The following ZDHHC11B variants were observed in gnomAD, a reference collection of about 807,000 sequenced individuals.
The protein encoded by ZDHHC11B is zDHHC palmitoyltransferase 11B (putative).
In ZDHHC11B, 17 loss-of-function variants were observed where a neutral mutation model predicts 42.3. The ratio of observed to expected loss-of-function variants is 0.40; its 90% CI spans 0.27 to 0.60. The LOEUF is 0.60. Among genes scored for constraint, ZDHHC11B ranks in the 20% least tolerant of loss-of-function variants. The pLI, the probability that ZDHHC11B is intolerant of heterozygous loss-of-function variation, is 0.41. For missense variants in ZDHHC11B, 262 were observed against 463.2 expected, an observed-to-expected ratio of 0.57 and a Z score of 3.99; for synonymous variants, 123 against 193.5, an observed-to-expected ratio of 0.64 and a Z score of 3.02.
intron 11 of ZDHHC11B, among the ~76,000 whole-genome samples, chr5:730,795 G>A (rs1391257061): frequency 6.6e-6 from 1 of 151,720 alleles, no homozygotes; most frequent in African/African-American, 2.4e-5. Context: ...CTAATCCAGA[G>A]TGACTGGTGT....
intron 5 of ZDHHC11B, among the ~76,000 whole-genome samples, 151 bp from the exon 6 acceptor site, chr5:755,250 G>T (rs1301596798): frequency 2.2e-5 from 3 of 135,306 alleles, no homozygotes; most frequent in Admixed American, 7.7e-5. Flanking sequence ...GGAGGCTGGG[G>T]GAGGGTGTTG....
In ZDHHC11B at chr5:745,731, C is replaced by T. The variant is rs1040539027; in HGVS notation, c.785-433G>A. Among the ~76,000 whole-genome samples, 3 of 150,062 alleles carry T rather than the reference C, an allele frequency of 2.0e-5. 1 individual carries two copies. Among genetic ancestry groups the T allele is most frequent in the African/African-American group, 7.3e-5 (3 of 40,854 alleles). On this transcript the variant is annotated intron_variant, in intron 8 of 13. Coordinates refer to ENST00000508859, the MANE Select transcript of ZDHHC11B (RefSeq NM_001351303.2). The stretch of plus-strand genomic sequence containing the variant: ...CGCTCTGTCTGAGGGTCCAGGTGGC[C>T]TGTGGGGTTCCCCACATCTGGACAC...
intron 4 of ZDHHC11B, among the ~76,000 whole-genome samples, chr5:762,018 C>T (rs1246562582): frequency 6.6e-6 from 1 of 151,006 alleles, no homozygotes; most frequent in East Asian, 1.9e-4. Flanking sequence ...GGCCACTCAA[C>T]TCACAGCCCT....
intron 12 of ZDHHC11B, among the ~76,000 whole-genome samples, chr5:721,809 T>G (rs1742210855): frequency 6.6e-6 from 1 of 151,772 alleles, no homozygotes; most frequent in South Asian, 2.1e-4. Context: ...GAGGGAGTAC[T>G]TACTTCTCAG....
chr5:722,608 G>C (rs1272244821), intron 12 of ZDHHC11B, among the ~76,000 whole-genome samples: 4 of 151,638 alleles, frequency 2.6e-5, no homozygotes, highest in African/African-American at 9.7e-5. Flanking sequence ...AAAAAACAGT[G>C]GCCTTATCTC....
intron 4 of ZDHHC11B, among the ~76,000 whole-genome samples, chr5:762,750 A>G (rs1362088304): frequency 2.0e-5 from 3 of 151,878 alleles, no homozygotes; most frequent in African/African-American, 4.8e-5. Flanking sequence ...TCTTAAGATG[A>G]TAGAAAAAAA....
At chr5:767,572 C>T (rs1735631159) in intron 2 of ZDHHC11B, 48 bp from the exon 3 acceptor site, 1 of 1,350,632 alleles carries the variant, frequency 7.4e-7, no homozygotes, top group African/African-American at 1.5e-5. Context: ...ACTGGAAGGA[C>T]TCGGTGTGCA....
intron 12 of ZDHHC11B, among the ~76,000 whole-genome samples, chr5:718,497 C>T (rs190265591): frequency 3.3e-5 from 5 of 151,640 alleles, no homozygotes; most frequent in Admixed American, 3.3e-4. Flanking sequence ...CATGGTGAAA[C>T]TCTGTCTCTA....
At chr5:783,299 G>C (rs1266335458) in intron 1 of ZDHHC11B, among the ~76,000 whole-genome samples, 2 of 152,272 alleles carry the variant, frequency 1.3e-5, no homozygotes, top group African/African-American at 2.4e-5. Flanking sequence ...TGACAGGCGC[G>C]AGAGCCCAGT....
chr5:741,320 T>C (rs1390358245), intron 10 of ZDHHC11B, among the ~76,000 whole-genome samples: 1 of 149,196 alleles, frequency 6.7e-6, no homozygotes, highest in Non-Finnish European at 1.5e-5. Flanking sequence ...TAGAAATAAA[T>C]AAGCGGGTCG....
chr5:776,920 C>T (rs1476835508), intron 1 of ZDHHC11B, among the ~76,000 whole-genome samples: 1 of 151,878 alleles, frequency 6.6e-6, no homozygotes, highest in African/African-American at 2.4e-5. Context: ...CCCTGTGAAC[C>T]GCCCCACTCT....
At chr5:712,791 C>A (rs1489384208) in intron 13 of ZDHHC11B, among the ~76,000 whole-genome samples, 2 of 151,654 alleles carry the variant, frequency 1.3e-5, no homozygotes, top group African/African-American at 2.4e-5. Flanking sequence ...CAACTGTAGG[C>A]CCAGCTACAT....
intron 12 of ZDHHC11B, among the ~76,000 whole-genome samples, chr5:729,199 C>T (rs1742820548): frequency 6.6e-6 from 1 of 150,980 alleles, no homozygotes; most frequent in Non-Finnish European, 1.5e-5. Flanking sequence ...GCTCCTTCTT[C>T]CCAGCACGAG....
At chr5:765,699 C>T (rs1328480273) in intron 4 of ZDHHC11B, among the ~76,000 whole-genome samples, 2 of 151,942 alleles carry the variant, frequency 1.3e-5, no homozygotes, top group Admixed American at 6.6e-5. Context: ...CCTTTATGAG[C>T]TCTAACACTC....
Position 716,657 on chromosome 5 carries a change from G to A in ZDHHC11B, c.*7+144C>T, listed in dbSNP as rs1450814925. On this transcript the variant is annotated intron_variant, in intron 13 of 13. Coordinates refer to ENST00000508859, the MANE Select transcript of ZDHHC11B (RefSeq NM_001351303.2). ...AGATGGACACACGGTTCCTGTTCTG[G>A]GGTTACTGTTGACATCAAGAGACAA... 6.1e-6 allele frequency: 6 copies of A among 981,020 alleles called. No individual in the cohort carries two copies. In the South Asian group the frequency reaches 9.2e-5, roughly 15 times the overall value. The allele number at this position is 981,020 out of a possible 1,614,324, so 60.8% of individuals were successfully genotyped here.
At chr5:739,418 A>C (rs1306662246) in intron 10 of ZDHHC11B, among the ~76,000 whole-genome samples, 1 of 151,272 alleles carries the variant, frequency 6.6e-6, no homozygotes, top group African/African-American at 2.4e-5. Context: ...ACAAACAAAC[A>C]AACAACAAAA....
intron 12 of ZDHHC11B, among the ~76,000 whole-genome samples, chr5:724,371 ATTTTTTTTTT>A (rs386402805): frequency 1.2e-5 from 1 of 81,418 alleles, no homozygotes; most frequent in Non-Finnish European, 2.3e-5. Context: ...AACCCAGCTA[ATTTTTTTTTT>A]TTTTTTTTTT....
In ZDHHC11B at chr5:730,656, G is replaced by A. The variant is rs147895952; in HGVS notation, c.1024-188C>T. ...CTTCCTCCCAATCCTTGTATTATGG[G>A]CTGAACTATATCCTCCTCCAAATTC... On this transcript the variant is annotated intron_variant, in intron 11 of 13. Transcript: ENST00000508859. 4.8e-3 allele frequency among the ~76,000 whole-genome samples: 733 copies of A among 151,732 alleles called. 12 individuals carry two copies. Among genetic ancestry groups the A allele is most frequent in the East Asian group, 0.029 (148 of 5,168 alleles).
intron 1 of ZDHHC11B, among the ~76,000 whole-genome samples, chr5:770,663 A>G (rs1172061074): frequency 1.3e-5 from 2 of 151,976 alleles, no homozygotes; most frequent in African/African-American, 4.8e-5. Flanking sequence ...CTGACCTTAG[A>G]TGGAGCTTTA....
Sources: allele counts gnomAD v4.1 joint callset (sites outside exome capture counted in the v4.1 genomes callset), GRCh38; gene constraint gnomAD v4.1.1; transcripts MANE v1.5; gene names NCBI Gene and HGNC (gene_info 2026-07-23, HGNC 2026-07-21).